Variants in WDR17 observed in about 807,000 individuals in gnomAD.
WDR17 encodes the protein WD repeat domain 17, also known as WD repeat-containing protein 17.
WDR17 carries 143 observed loss-of-function variants against 161.7 expected under a neutral mutation model. That is an observed-to-expected ratio of 0.88 (90% CI 0.77 to 1.02). The LOEUF (loss-of-function observed/expected upper bound fraction) is 1.02. WDR17 is among the 50% of genes least tolerant of loss of function. The probability of loss-of-function intolerance (pLI) is 0.00; values close to 1 mark genes in which losing one functional copy is unlikely to be tolerated. For synonymous variants in WDR17, 517 were observed against 515.6 expected (o/e 1.00, Z -0.04); for missense variants, 1,469 against 1,520.9 (o/e 0.97, Z 0.57).
chr4:176,119,837 T>G (rs1381976127), intron 3 of WDR17, 30 bp from the exon 4 acceptor site: 1 of 1,577,408 alleles, frequency 6.3e-7, no homozygotes, highest in Non-Finnish European at 8.7e-7. Context: ...GCTGTATCTT[T>G]ATTATGTATC....
chr4:176,105,408 G>A (rs1280375244), intron 1 of WDR17, among the ~76,000 whole-genome samples: 3 of 152,032 alleles, frequency 2.0e-5, no homozygotes, highest in African/African-American at 7.2e-5. Context: ...CTCAGTAACT[G>A]CATACACATT....
chr4:176,134,128 C>T (rs934062190), intron 7 of WDR17, among the ~76,000 whole-genome samples: 1 of 151,634 alleles, frequency 6.6e-6, no homozygotes, highest in Non-Finnish European at 1.5e-5. Context: ...TGAGATTTTT[C>T]TTTCCTTTAC....
chr4:176,081,845 T>C (rs1561072706), intron 1 of WDR17, among the ~76,000 whole-genome samples: 1 of 152,162 alleles, frequency 6.6e-6, no homozygotes, highest in Non-Finnish European at 1.5e-5. Flanking sequence ...ATGAAATTAC[T>C]ATGACTGACA....
intron 7 of WDR17, among the ~76,000 whole-genome samples, chr4:176,133,177 TA>T (rs1561153113): frequency 0.22 from 30,421 of 137,692 alleles, 3,731 homozygotes; most frequent in African/African-American, 0.26. Flanking sequence ...AACAATTTTT[TA>T]TTTTTATTTT....
rs1475615408 is a variant in WDR17 at position 176,131,654 on chromosome 4, T to G, written c.1014T>G (p.Pro338=). ...AGAATCAAGCATTTTCTCTTCCTCCTGGTCATGCAGTGTGTTGTTTCTTGG... is the reference window on the plus strand; with the variant it reads ...AGAATCAAGCATTTTCTCTTCCTCCGGGTCATGCAGTGTGTTGTTTCTTGG... ...LTQNQAFSLP[P]GHAVCCFLDG... is the part of the protein sequence containing the mutation. Residue 338 remains proline (P), a synonymous_variant, in exon 7 of 29, where the codon CCT becomes CCG. Coordinates refer to ENST00000508596, the MANE Select transcript of WDR17 (RefSeq NM_181265.4). The G allele has an allele frequency of 6.2e-7, 1 of 1,613,872 alleles. No homozygotes were observed. The highest frequency in any genetic ancestry group is 8.5e-7 in the Non-Finnish European group (1 of 1,179,856).
intron 17 of WDR17, among the ~76,000 whole-genome samples, chr4:176,155,207 T>C (rs1747870867): frequency 6.6e-6 from 1 of 152,102 alleles, no homozygotes; most frequent in Non-Finnish European, 1.5e-5. Context: ...CTATTTCTTT[T>C]CTTCCCTTCC....
chr4:176,161,729 T>C (rs1749062723), intron 20 of WDR17, among the ~76,000 whole-genome samples: 1 of 152,194 alleles, frequency 6.6e-6, no homozygotes, highest in Non-Finnish European at 1.5e-5. Flanking sequence ...GCTAGCTGTA[T>C]TTTGGATACC....
At chr4:176,089,671 T>G (rs1476111417) in intron 1 of WDR17, among the ~76,000 whole-genome samples, 1 of 152,026 alleles carries the variant, frequency 6.6e-6, no homozygotes, top group African/African-American at 2.4e-5. Flanking sequence ...TATATATGAG[T>G]GTTGAGTGAG....
intron 1 of WDR17, chr4:176,068,124 A>G: frequency 6.6e-6 from 1 of 152,208 alleles, no homozygotes; most frequent in Non-Finnish European, 1.5e-5. Context: ...TTACCCAGCT[A>G]TTCATGATAA....
At chr4:176,128,184 C>A (rs2126745675) in intron 5 of WDR17, among the ~76,000 whole-genome samples, 1 of 152,268 alleles carries the variant, frequency 6.6e-6, no homozygotes, top group African/African-American at 2.4e-5. Context: ...AGAGGAATTG[C>A]TAAGTCATAT....
At chr4:176,145,884 C>G in intron 11 of WDR17, 111 bp from the exon 12 acceptor site, 1 of 988,260 alleles carries the variant, frequency 1.0e-6, no homozygotes, top group Non-Finnish European at 1.4e-6. Flanking sequence ...AGTCTAACTT[C>G]ACTAAGGAAG....
intron 1 of WDR17, among the ~76,000 whole-genome samples, chr4:176,100,736 A>G (rs1737685893): frequency 6.6e-6 from 1 of 151,990 alleles, no homozygotes; most frequent in South Asian, 2.1e-4. Flanking sequence ...TTAAGTGTTT[A>G]GTACATCTTG....
chr4:176,158,892 A>C (rs1024844203), intron 18 of WDR17, among the ~76,000 whole-genome samples: 1 of 152,156 alleles, frequency 6.6e-6, no homozygotes, highest in African/African-American at 2.4e-5. Flanking sequence ...GCAGTCTCTC[A>C]ATCATAGTTT....
At chr4:176,097,296 A>G (rs879870284) in intron 1 of WDR17, among the ~76,000 whole-genome samples, 5 of 151,986 alleles carry the variant, frequency 3.3e-5, no homozygotes, top group Non-Finnish European at 7.4e-5. Flanking sequence ...GTGGGACAAA[A>G]AAACCAGACT....
chr4:176,092,744 C>T (rs1169990838), intron 1 of WDR17, among the ~76,000 whole-genome samples: 2 of 152,002 alleles, frequency 1.3e-5, no homozygotes, highest in Non-Finnish European at 2.9e-5. Flanking sequence ...AGTGAACAAT[C>T]TGAAAAGGAA....
At chr4:176,165,989 T>C in intron 22 of WDR17, 1 of 437,552 alleles carries the variant, frequency 2.3e-6, no homozygotes, top group Non-Finnish European at 4.1e-6. Context: ...TTTTAAAAGA[T>C]AGCTACATCA....
In WDR17 at chr4:176,105,726, G is replaced by A. The variant is rs1738608149; in HGVS notation, c.-6-5849G>A. Among the ~76,000 whole-genome samples, 4 of 152,016 alleles carry A rather than the reference G, an allele frequency of 2.6e-5. No individual in the cohort carries two copies. The South Asian group carries it at 8.3e-4, about 32-fold the overall frequency. Reference sequence around the variant, plus strand: ...GATGCAGTGGAATCAATGCCAGGGGGCAAATTTGTAGCTATAAATGCTTTC... The same window carrying A: ...GATGCAGTGGAATCAATGCCAGGGGACAAATTTGTAGCTATAAATGCTTTC... On this transcript the variant is annotated intron_variant, in intron 1 of 28. Coordinates refer to ENST00000508596, the MANE Select transcript of WDR17 (RefSeq NM_181265.4).
rs963892232 is a variant in WDR17, at chr4:176,167,561, G to A, written c.2991-1111G>A. ...CTCGGGAGGCTGAGGCAGGAGAATG[G>A]CGTGAACCCCAGGGGGCGGAGCCTG... On this transcript the variant is annotated intron_variant, in intron 22 of 28. Transcript: ENST00000508596. Among the ~76,000 whole-genome samples, 21 of 144,362 alleles carry A rather than the reference G, an allele frequency of 1.5e-4. No homozygotes were observed. The South Asian group carries it at 2.1e-3, about 14-fold the overall frequency. 94.7% of individuals were successfully genotyped at this position (144,362 alleles called of 152,430 possible). A position where few individuals can be genotyped will look rare whatever the true frequency, so the allele number is the denominator to read the frequency against.
chr4:176,128,676 G>A (rs1742842406), intron 5 of WDR17, 62 bp from the exon 6 acceptor site: 1 of 1,525,658 alleles, frequency 6.6e-7, no homozygotes, highest in Non-Finnish European at 8.9e-7. Context: ...ATACTTTTAT[G>A]TCTAGGCATT....
Sources: allele counts gnomAD v4.1 joint callset (sites outside exome capture counted in the v4.1 genomes callset), GRCh38; gene constraint gnomAD v4.1.1; transcripts MANE v1.5; gene names NCBI Gene and HGNC (gene_info 2026-07-23, HGNC 2026-07-21).